Variants in CDH12 observed in about 807,000 individuals in gnomAD.
The protein encoded by CDH12 is cadherin 12.
Under a neutral mutation model 74.1 loss-of-function variants are expected in CDH12, and 41 were observed. That is an observed-to-expected ratio of 0.55 (90% CI 0.43 to 0.72). CDH12 has a LOEUF of 0.72. CDH12 is among the 30% of genes least tolerant of loss of function. The probability of loss-of-function intolerance (pLI) is 0.00; values close to 1 mark genes in which losing one functional copy is unlikely to be tolerated. For missense variants in CDH12, 945 were observed against 977.2 expected, an observed-to-expected ratio of 0.97 and a Z score of 0.44; for synonymous variants, 399 against 355.0, an observed-to-expected ratio of 1.12 and a Z score of -1.39.
chr5:22,767,781 A>G (rs1368300477), intron 1 of CDH12, among the ~76,000 whole-genome samples: 1 of 151,960 alleles, frequency 6.6e-6, no homozygotes, highest in Non-Finnish European at 1.5e-5. Context: ...ATAATCAACT[A>G]TAGTTAAACA....
intron 6 of CDH12, among the ~76,000 whole-genome samples, chr5:21,873,921 C>A (rs1237690099): frequency 6.7e-6 from 1 of 148,538 alleles, no homozygotes; most frequent in Non-Finnish European, 1.5e-5. Flanking sequence ...CATGTCCCTG[C>A]AAAGAACATG....
intron 3 of CDH12, among the ~76,000 whole-genome samples, chr5:22,390,534 C>T (rs1742196668): frequency 6.6e-6 from 1 of 151,614 alleles, no homozygotes; most frequent in African/African-American, 2.4e-5. Context: ...TGTAATATTA[C>T]TTTTCAAATT....
intron 1 of CDH12, among the ~76,000 whole-genome samples, chr5:22,670,610 A>C (rs1185048787): frequency 2.0e-5 from 3 of 152,148 alleles, no homozygotes; most frequent in Admixed American, 2.0e-4. Context: ...TTATATTTTC[A>C]GAAATTACAT....
chr5:21,801,003 T>C (rs531388846), intron 10 of CDH12, among the ~76,000 whole-genome samples: 1 of 152,332 alleles, frequency 6.6e-6, no homozygotes, highest in East Asian at 1.9e-4. Flanking sequence ...AGGGTGGTTC[T>C]TTATAGTAGT....
At chr5:22,192,186 G>A (rs553883749) in intron 4 of CDH12, among the ~76,000 whole-genome samples, 16 of 152,134 alleles carry the variant, frequency 1.1e-4, no homozygotes, top group South Asian at 4.2e-4. Flanking sequence ...TGCCTGCCTC[G>A]GCTTCCCAAA....
intron 4 of CDH12, among the ~76,000 whole-genome samples, chr5:22,197,335 C>A (rs1750678197): frequency 6.6e-6 from 1 of 152,054 alleles, no homozygotes; most frequent in Non-Finnish European, 1.5e-5. Context: ...GTAGTCCCAG[C>A]TACTTGGGAG....
At chr5:22,412,394 G>T (rs1426795456) in intron 2 of CDH12, among the ~76,000 whole-genome samples, 1 of 151,798 alleles carries the variant, frequency 6.6e-6, no homozygotes. Flanking sequence ...ACCACACACC[G>T]TTAACTATTA....
intron 6 of CDH12, among the ~76,000 whole-genome samples, chr5:21,876,928 C>CT (rs1461608966): frequency 6.6e-6 from 1 of 152,128 alleles, no homozygotes; most frequent in Non-Finnish European, 1.5e-5. Context: ...CCACATGCCA[C>CT]TGGTGGCTCA....
chr5:22,144,006 C>G (rs1476152866), intron 4 of CDH12: 1 of 151,408 alleles, frequency 6.6e-6, no homozygotes, highest in African/African-American at 2.4e-5. Flanking sequence ...ATTGCAGATT[C>G]TCAGAATGTT....
At chr5:21,998,597 G>A (rs1736430447) in intron 5 of CDH12, among the ~76,000 whole-genome samples, 1 of 152,086 alleles carries the variant, frequency 6.6e-6, no homozygotes, top group African/African-American at 2.4e-5. Context: ...AGAAAAATCA[G>A]CCTTCTTCCT....
intron 8 of CDH12, among the ~76,000 whole-genome samples, chr5:21,823,806 A>G (rs992191316): frequency 6.6e-6 from 1 of 152,118 alleles, no homozygotes; most frequent in African/African-American, 2.4e-5. Context: ...AGCTTCCCCA[A>G]CCTTCAAAGG....
At chr5:22,585,710 T>C (rs1740361038) in intron 1 of CDH12, among the ~76,000 whole-genome samples, 1 of 151,486 alleles carries the variant, frequency 6.6e-6, no homozygotes, top group African/African-American at 2.4e-5. Flanking sequence ...TCCAGTGACA[T>C]TTTACTACAT....
intron 3 of CDH12, among the ~76,000 whole-genome samples, chr5:22,247,246 A>T (rs1752977879): frequency 6.6e-6 from 1 of 152,210 alleles, no homozygotes; most frequent in Admixed American, 6.5e-5. Flanking sequence ...AATATCCAGT[A>T]AATACACAGT....
intron 3 of CDH12, among the ~76,000 whole-genome samples, chr5:22,334,193 T>C (rs575363066): frequency 6.1e-4 from 93 of 152,104 alleles, no homozygotes; most frequent in African/African-American, 2.2e-3. Context: ...AAATTATCTG[T>C]GTTTTAACAG....
intron 1 of CDH12, among the ~76,000 whole-genome samples, chr5:22,763,868 G>A (rs1002566360): frequency 6.6e-6 from 1 of 151,850 alleles, no homozygotes; most frequent in Non-Finnish European, 1.5e-5. Context: ...AAAAAATGGT[G>A]TTTGTGAATG....
chr5:21,911,103 C>T (rs1322928189), intron 6 of CDH12, among the ~76,000 whole-genome samples: 2 of 152,122 alleles, frequency 1.3e-5, no homozygotes, highest in Admixed American at 6.6e-5. Context: ...CCAATGAAAG[C>T]ATTAAATGTA....
Position 22,811,900 on chromosome 5 carries a change from A to G in CDH12, c.-523+41158T>C, listed in dbSNP as rs780174789. On this transcript the variant is annotated intron_variant, in intron 1 of 14. Coordinates refer to ENST00000382254, the MANE Select transcript of CDH12 (RefSeq NM_004061.5). ...TCAGGCCTCTCCCTGACCACATTCAATGAAAAGATCGAAGTTAGAGAAGAC... is the reference window on the plus strand; with the variant it reads ...TCAGGCCTCTCCCTGACCACATTCAGTGAAAAGATCGAAGTTAGAGAAGAC... 2.6e-5 allele frequency among the ~76,000 whole-genome samples: 4 copies of G among 152,174 alleles called. 1 individual carries two copies. The highest frequency in any genetic ancestry group is 4.1e-4 in the South Asian group (2 of 4,830).
rs191471260 is a variant in CDH12, at chr5:22,650,405, C to T, written c.-522-145041G>A. The stretch of plus-strand genomic sequence containing the variant: ...TGCATTGTATAAACAAACAATAAAG[C>T]AGTACTTGGAAATATTAGAGATTTA... On this transcript the variant is annotated intron_variant, in intron 1 of 14. Coordinates refer to ENST00000382254, the MANE Select transcript of CDH12 (RefSeq NM_004061.5). Among the ~76,000 whole-genome samples, 492 of 152,100 alleles carry T rather than the reference C, an allele frequency of 3.2e-3. 2 individuals are homozygous for T. Among genetic ancestry groups the T allele is most frequent in the African/African-American group, 0.011 (464 of 41,526 alleles).
At chr5:22,504,889 A>C (rs1254002206) in intron 2 of CDH12, among the ~76,000 whole-genome samples, 1 of 152,014 alleles carries the variant, frequency 6.6e-6, no homozygotes, top group Non-Finnish European at 1.5e-5. Context: ...GCTAATTATG[A>C]GGGACTAGAC....
Sources: gnomAD v4.1 joint callset for allele counts (sites outside exome capture counted in the v4.1 genomes callset) on GRCh38, gnomAD v4.1.1 for gene constraint, MANE v1.5 for transcripts, NCBI Gene and HGNC (gene_info 2026-07-23, HGNC 2026-07-21) for gene names.